WWOX: variants seen among roughly 807,000 people sequenced by gnomAD.
The protein encoded by WWOX is WW domain containing oxidoreductase, also known as WW domain-containing oxidoreductase.
In WWOX, 69 loss-of-function variants were observed where a neutral mutation model predicts 46.2. The observed-to-expected ratio is 1.49, with a 90% CI of 1.23 to 1.82. WWOX has a LOEUF of 1.82. WWOX is among the 40% of genes most tolerant of loss of function. WWOX has a pLI of 0.00. For missense variants in WWOX, 919 were observed against 542.6 expected, an observed-to-expected ratio of 1.69 and a Z score of -6.89; for synonymous variants, 359 against 202.6, an observed-to-expected ratio of 1.77 and a Z score of -6.56.
chr16:78,259,851 A>T (rs1313000707), intron 5 of WWOX, among the ~76,000 whole-genome samples: 6 of 151,460 alleles, frequency 4.0e-5, no homozygotes, highest in African/African-American at 1.5e-4. Context: ...CCACAAATTT[A>T]TGTACAGTGA....
intron 4 of WWOX, among the ~76,000 whole-genome samples, chr16:78,125,367 G>C (rs1205434320): frequency 6.6e-6 from 1 of 152,124 alleles, no homozygotes; most frequent in Non-Finnish European, 1.5e-5. Context: ...CCACCATCCT[G>C]TTGGGAGGAA....
At chr16:78,542,584 A>G (rs1188479270) in intron 8 of WWOX, among the ~76,000 whole-genome samples, 3 of 149,296 alleles carry the variant, frequency 2.0e-5, no homozygotes, top group Admixed American at 2.0e-4. Context: ...CTGGAATTGA[A>G]CTTAAGCAGG....
intron 8 of WWOX, among the ~76,000 whole-genome samples, chr16:79,185,922 A>T (rs930093120): frequency 1.1e-4 from 16 of 152,048 alleles, no homozygotes; most frequent in African/African-American, 3.9e-4. Context: ...GGTAAGGCAT[A>T]CATTTAGAAC....
In WWOX at chr16:79,012,128, A is replaced by G. The variant is rs535086374; in HGVS notation, c.1057-199480A>G. 8.5e-5 allele frequency among the ~76,000 whole-genome samples: 13 copies of G among 152,292 alleles called. No individual in the cohort carries two copies. The East Asian group carries it at 2.1e-3, about 25-fold the overall frequency. On this transcript the variant is annotated intron_variant, in intron 8 of 8. Transcript: ENST00000566780. The stretch of plus-strand genomic sequence containing the variant: ...CAGTGCTCTCGGCCCGCGCTGTCCA[A>G]TAGAACTTTCTGCAGTGATGGATGT...
At chr16:78,884,783 T>A (rs1340437291) in intron 8 of WWOX, among the ~76,000 whole-genome samples, 1 of 152,238 alleles carries the variant, frequency 6.6e-6, no homozygotes, top group Non-Finnish European at 1.5e-5. Context: ...CATGTATGTT[T>A]TGTGAATTTT....
At chr16:79,068,489 A>C (rs1309004188) in intron 8 of WWOX, among the ~76,000 whole-genome samples, 2 of 151,942 alleles carry the variant, frequency 1.3e-5, no homozygotes, top group African/African-American at 4.8e-5. Flanking sequence ...TTCAGAAAGC[A>C]CTGCACGTGT....
At chr16:78,458,213 C>T (rs1009779265) in intron 8 of WWOX, among the ~76,000 whole-genome samples, 20 of 151,474 alleles carry the variant, frequency 1.3e-4, no homozygotes, top group Admixed American at 6.6e-5. Context: ...ATATATTCTG[C>T]CCACTTCTAT....
intron 8 of WWOX, among the ~76,000 whole-genome samples, chr16:78,831,248 A>T (rs1205551045): frequency 6.6e-6 from 1 of 152,150 alleles, no homozygotes; most frequent in Non-Finnish European, 1.5e-5. Flanking sequence ...TTCCCCCTTT[A>T]TAAGCTGTGT....
chr16:78,920,358 C>T (rs1217784267), intron 8 of WWOX, among the ~76,000 whole-genome samples: 1 of 152,138 alleles, frequency 6.6e-6, no homozygotes, highest in South Asian at 2.1e-4. Context: ...AACATTGTCT[C>T]CCATGGGTGC....
intron 8 of WWOX, among the ~76,000 whole-genome samples, chr16:79,162,663 G>T (rs115746093): frequency 9.9e-4 from 151 of 152,264 alleles, no homozygotes; most frequent in African/African-American, 3.4e-3. Context: ...TCATCCTTAT[G>T]CTCTCAACAG....
At chr16:78,534,508 T>G (rs2043709498) in intron 8 of WWOX, 1 of 152,094 alleles carries the variant, frequency 6.6e-6, no homozygotes, top group Admixed American at 6.5e-5. Context: ...CTTTAAAAAA[T>G]TTCAAGAGTG....
chr16:79,165,353 G>A (rs747911362), intron 8 of WWOX, among the ~76,000 whole-genome samples: 4 of 152,090 alleles, frequency 2.6e-5, no homozygotes, highest in Non-Finnish European at 4.4e-5. Context: ...AGCAGGTGTC[G>A]TGGAAACAAC....
intron 8 of WWOX, among the ~76,000 whole-genome samples, chr16:79,141,817 G>C (rs969166185): frequency 1.3e-5 from 2 of 152,022 alleles, no homozygotes; most frequent in Non-Finnish European, 1.5e-5. Flanking sequence ...AGCACGGAGG[G>C]CCAGAAGGAA....
At chr16:78,247,234 A>T (rs1173586000) in intron 5 of WWOX, among the ~76,000 whole-genome samples, 1 of 151,996 alleles carries the variant, frequency 6.6e-6, no homozygotes, top group African/African-American at 2.4e-5. Flanking sequence ...AGCAGGAGGA[A>T]TCTGTTTTCA....
At chr16:78,547,417 C>T (rs2044067304) in intron 8 of WWOX, among the ~76,000 whole-genome samples, 1 of 152,080 alleles carries the variant, frequency 6.6e-6, no homozygotes, top group African/African-American at 2.4e-5. Context: ...ACCCAAATGC[C>T]AGGTTTCAAT....
At chr16:78,104,158 G>A (rs574539593) in intron 1 of WWOX, among the ~76,000 whole-genome samples, 2 of 151,698 alleles carry the variant, frequency 1.3e-5, no homozygotes, top group East Asian at 3.9e-4. Flanking sequence ...GGCCTCAATG[G>A]TGCCTGTGTC....
In WWOX at chr16:79,137,689, G is replaced by T. The variant is rs376899672; in HGVS notation, c.1057-73919G>T. 1.3e-4 allele frequency among the ~76,000 whole-genome samples: 20 copies of T among 152,070 alleles called. No homozygotes were observed. In the East Asian group the frequency reaches 3.1e-3, roughly 24 times the overall value. ...GCTTCTCTTTTCTCCTCCCTCCTCC[G>T]TCTCCTTCCCCCGACCCTCCTCCAT... On this transcript the variant is annotated intron_variant, in intron 8 of 8. Coordinates refer to ENST00000566780, the MANE Select transcript of WWOX (RefSeq NM_016373.4).
chr16:78,402,072 T>C (rs770273990), intron 6 of WWOX, among the ~76,000 whole-genome samples: 1 of 152,220 alleles, frequency 6.6e-6, no homozygotes, highest in Admixed American at 6.5e-5. Context: ...CATTACCACT[T>C]TTGAATTGCA....
Position 78,611,741 on chromosome 16 carries a change from G to C in WWOX, c.1056+178989G>C, listed in dbSNP as rs547103786. On this transcript the variant is annotated intron_variant, in intron 8 of 8. Coordinates refer to ENST00000566780, the MANE Select transcript of WWOX (RefSeq NM_016373.4). ...TTTCTCACTTATGGTGCATGTCGCT[G>C]ATGGTTGGCTGCTGCTCTGATCTCA... 5.3e-5 allele frequency among the ~76,000 whole-genome samples: 8 copies of C among 152,358 alleles called. No individual in the cohort carries two copies. The South Asian group carries it at 8.3e-4, about 16-fold the overall frequency.
Sources: gnomAD v4.1 joint callset for allele counts (sites outside exome capture counted in the v4.1 genomes callset) on GRCh38, gnomAD v4.1.1 for gene constraint, MANE v1.5 for transcripts, NCBI Gene and HGNC (gene_info 2026-07-23, HGNC 2026-07-21) for gene names.